The following PABPC4L variants were observed in gnomAD, a reference collection of about 807,000 sequenced individuals.
PABPC4L encodes poly(A) binding protein cytoplasmic 4 like, also known as polyadenylate-binding protein 4-like.
For missense variants in PABPC4L, 452 were observed against 451.4 expected (o/e 1.00, Z -0.01); for synonymous variants, 169 against 164.1 (o/e 1.03, Z -0.23).
the PABPC4L span, among the ~76,000 whole-genome samples, chr4:133,985,167 A>G: frequency 1.3e-5 from 2 of 151,996 alleles, no homozygotes; most frequent in Non-Finnish European, 2.9e-5. Context: ...ACAATTTTGC[A>G]TATATGTCTG....
At chr4:134,077,427 G>A in the PABPC4L span, among the ~76,000 whole-genome samples, 1 of 152,086 alleles carries the variant, frequency 6.6e-6, no homozygotes, top group African/African-American at 2.4e-5. Context: ...CAGTGCATTA[G>A]TGTTGCAGAA....
the PABPC4L span, among the ~76,000 whole-genome samples, chr4:133,985,861 G>A: frequency 6.6e-6 from 1 of 151,780 alleles, no homozygotes; most frequent in African/African-American, 2.4e-5. Context: ...AATATTACTT[G>A]TACTATAAAT....
the PABPC4L span, among the ~76,000 whole-genome samples, chr4:134,127,038 A>AT: frequency 1.3e-5 from 2 of 152,002 alleles, no homozygotes; most frequent in African/African-American, 4.8e-5. Context: ...GACCTGTCTG[A>AT]CACAGAAGAG....
chr4:134,113,803 C>T, the PABPC4L span, among the ~76,000 whole-genome samples: 2 of 151,742 alleles, frequency 1.3e-5, no homozygotes, highest in Non-Finnish European at 2.9e-5. Context: ...TCACGCTAGA[C>T]AGCAGAAACC....
chr4:134,004,965 G>C, the PABPC4L span, among the ~76,000 whole-genome samples: 1 of 151,756 alleles, frequency 6.6e-6, no homozygotes, highest in African/African-American at 2.4e-5. Context: ...AGTGAGACGG[G>C]GTTGGTAAGT....
At chr4:134,186,789 C>T in the PABPC4L span, among the ~76,000 whole-genome samples, 1 of 152,036 alleles carries the variant, frequency 6.6e-6, no homozygotes, top group Non-Finnish European at 1.5e-5. Flanking sequence ...TTGCAATCTA[C>T]CCATCTGACA....
chr4:133,988,150 C>T, the PABPC4L span, among the ~76,000 whole-genome samples: 9 of 152,096 alleles, frequency 5.9e-5, no homozygotes, highest in African/African-American at 1.7e-4. Context: ...AGATGATATT[C>T]GGGTGGAGAC....
At chr4:134,052,724 A>G in the PABPC4L span, among the ~76,000 whole-genome samples, 1 of 152,046 alleles carries the variant, frequency 6.6e-6, no homozygotes, top group Non-Finnish European at 1.5e-5. Context: ...AGAAACACCT[A>G]TATTTATTAT....
At chr4:134,183,964 C>T in the PABPC4L span, among the ~76,000 whole-genome samples, 6 of 151,034 alleles carry the variant, frequency 4.0e-5, no homozygotes, top group African/African-American at 7.3e-5. Flanking sequence ...TGATTGAGTG[C>T]GATTGTAGAA....
the PABPC4L span, among the ~76,000 whole-genome samples, chr4:134,016,027 C>A: frequency 6.6e-6 from 1 of 152,174 alleles, no homozygotes; most frequent in Non-Finnish European, 1.5e-5. Context: ...GACTGCATCT[C>A]TCTGATCCAC....
chr4:134,155,811 G>A, the PABPC4L span, among the ~76,000 whole-genome samples: 31,742 of 151,802 alleles, frequency 0.21, 4,119 homozygotes, highest in Non-Finnish European at 0.27. Flanking sequence ...AAAGTCAAAT[G>A]AGCTAACTCT....
At chr4:134,064,918 A>C in the PABPC4L span, among the ~76,000 whole-genome samples, 1 of 151,862 alleles carries the variant, frequency 6.6e-6, no homozygotes, top group Non-Finnish European at 1.5e-5. Flanking sequence ...TTGCTGGAAA[A>C]CGATATGATT....
At chr4:133,951,138 T>C in the PABPC4L span, among the ~76,000 whole-genome samples, 1 of 152,186 alleles carries the variant, frequency 6.6e-6, no homozygotes, top group African/African-American at 2.4e-5. Flanking sequence ...AATGACAACA[T>C]AGCCATTGTC....
chr4:134,087,954 T>C, the PABPC4L span, among the ~76,000 whole-genome samples: 1 of 152,100 alleles, frequency 6.6e-6, no homozygotes, highest in Non-Finnish European at 1.5e-5. Context: ...CTGGCAGCTT[T>C]TCCTGCTTTG....
chr4:134,080,913 T>A, the PABPC4L span, among the ~76,000 whole-genome samples: 1 of 152,278 alleles, frequency 6.6e-6, no homozygotes, highest in Middle Eastern at 3.4e-3. Context: ...ATTGACCATG[T>A]AACTGACAAC....
the PABPC4L span, among the ~76,000 whole-genome samples, chr4:134,109,658 T>G: frequency 3.3e-5 from 5 of 152,024 alleles, no homozygotes; most frequent in African/African-American, 1.2e-4. Context: ...TAGGTTTCTT[T>G]TCACCAATAC....
chr4:134,192,396 G>A (rs1028864754), downstream of PABPC4L, among the ~76,000 whole-genome samples: 5 of 152,030 alleles, frequency 3.3e-5, no homozygotes, highest in East Asian at 1.9e-4. Flanking sequence ...ACTGGGAAGC[G>A]ACTGCTCCTT....
At chr4:134,029,242 A>C in the PABPC4L span, among the ~76,000 whole-genome samples, 1 of 152,028 alleles carries the variant, frequency 6.6e-6, no homozygotes, top group African/African-American at 2.4e-5. Context: ...GACGACCTTT[A>C]CTGTACTAGG....
the PABPC4L span, among the ~76,000 whole-genome samples, chr4:134,098,068 A>G: frequency 6.6e-6 from 1 of 151,614 alleles, no homozygotes; most frequent in Non-Finnish European, 1.5e-5. Context: ...TATTCATTAA[A>G]CTCTGAGGCT....
Sources: allele counts gnomAD v4.1 joint callset (sites outside exome capture counted in the v4.1 genomes callset), GRCh38; gene constraint gnomAD v4.1.1; transcripts MANE v1.5; gene names NCBI Gene and HGNC (gene_info 2026-07-23, HGNC 2026-07-21).